The following CAMK1D variants were observed in gnomAD, a reference collection of about 807,000 sequenced individuals.
The protein encoded by CAMK1D is calcium/calmodulin dependent protein kinase ID.
A neutral mutation model predicts 47.7 loss-of-function variants in CAMK1D; 9 were observed. The observed-to-expected ratio is 0.19, with a 90% confidence interval of 0.11 to 0.33. CAMK1D has a LOEUF of 0.33. Ranked by LOEUF, CAMK1D falls within the 10% of genes least tolerant of loss-of-function variation. The probability of loss-of-function intolerance (pLI) is 1.00; values close to 1 mark genes in which losing one functional copy is unlikely to be tolerated. For missense variants in CAMK1D, 291 were observed against 488.7 expected, an observed-to-expected ratio of 0.60 and a Z score of 3.81; for synonymous variants, 184 against 184.9, an observed-to-expected ratio of 0.99 and a Z score of 0.04.
intron 3 of CAMK1D, among the ~76,000 whole-genome samples, chr10:12,739,541 G>A (rs1319958045): frequency 3.3e-5 from 5 of 150,030 alleles, no homozygotes; most frequent in African/African-American, 7.4e-5. Flanking sequence ...CACCCGCCTC[G>A]GCCTCCCAAA....
chr10:12,666,717 C>T lies in CAMK1D; in HGVS notation c.225-19C>T, dbSNP rs780359450. On this transcript the variant is annotated intron_variant, in intron 2 of 10. Transcript: ENST00000619168. ...ATCTAATCATACTCACTATTTTGTG[C>T]GTCTATTTTTTTTTTCAGGATTAAG... is the stretch of plus-strand genomic sequence containing the variant. The T allele has an allele frequency of 4.0e-5, 64 of 1,591,344 alleles. No homozygotes were observed. The highest frequency in any genetic ancestry group is 6.7e-5 in the South Asian group (6 of 89,850).
intron 1 of CAMK1D, among the ~76,000 whole-genome samples, chr10:12,469,647 CT>C (rs1833690757): frequency 6.6e-6 from 1 of 152,152 alleles, no homozygotes; most frequent in South Asian, 2.1e-4. Flanking sequence ...TCATAAAAAG[CT>C]TTTGTAAATG....
chr10:12,555,254 T>C (rs925494235), intron 2 of CAMK1D, among the ~76,000 whole-genome samples: 1 of 152,180 alleles, frequency 6.6e-6, no homozygotes, highest in African/African-American at 2.4e-5. Context: ...CACCCAACGA[T>C]GTTCAGCCAT....
chr10:12,507,379 A>T (rs1245542505), intron 1 of CAMK1D, among the ~76,000 whole-genome samples: 3 of 152,214 alleles, frequency 2.0e-5, no homozygotes, highest in African/African-American at 7.2e-5. Context: ...GGAACTGGCC[A>T]GCAGCAGGGA....
At chr10:12,614,764 T>G (rs1453682539) in intron 2 of CAMK1D, among the ~76,000 whole-genome samples, 1 of 152,234 alleles carries the variant, frequency 6.6e-6, no homozygotes, top group African/African-American at 2.4e-5. Context: ...ACAAGGCTTA[T>G]TCACCATGTG....
At chr10:12,723,845 G>A (rs184010368) in intron 3 of CAMK1D, among the ~76,000 whole-genome samples, 221 of 152,024 alleles carry the variant, frequency 1.5e-3, no homozygotes, top group Non-Finnish European at 2.8e-3. Context: ...GTGCCATGTT[G>A]GTGTGCTGCA....
In CAMK1D at chr10:12,637,132, C is replaced by T. The variant is rs753250801; in HGVS notation, c.225-29604C>T. On this transcript the variant is annotated intron_variant, in intron 2 of 10. Coordinates refer to ENST00000619168, the MANE Select transcript of CAMK1D (RefSeq NM_153498.4). ...GATTATAGATGTGCACCACCATGCCCGGCTAATTGTTGTATTTTTAGTAGA... is the reference window on the plus strand; with the variant it reads ...GATTATAGATGTGCACCACCATGCCTGGCTAATTGTTGTATTTTTAGTAGA... Among the ~76,000 whole-genome samples the T allele has an allele frequency of 3.5e-4, 53 of 152,122 alleles. 1 individual carries two copies. In the Middle Eastern group the frequency reaches 0.01, roughly 29 times the overall value.
chr10:12,803,657 A>AAATAATAAT (rs374759038), intron 6 of CAMK1D, among the ~76,000 whole-genome samples: 5 of 151,876 alleles, frequency 3.3e-5, no homozygotes, highest in African/African-American at 9.7e-5. Context: ...TCCATCTCAA[A>AAATAATAAT]AATAATAATA....
At chr10:12,577,258 G>A (rs1306174282) in intron 2 of CAMK1D, among the ~76,000 whole-genome samples, 5 of 152,140 alleles carry the variant, frequency 3.3e-5, no homozygotes, top group African/African-American at 4.8e-5. Flanking sequence ...GCCGTGTTGG[G>A]TTCCCAGCCC....
chr10:12,416,668 C>A (rs1337354124), intron 1 of CAMK1D, among the ~76,000 whole-genome samples: 1 of 152,162 alleles, frequency 6.6e-6, no homozygotes, highest in Non-Finnish European at 1.5e-5. Context: ...TTGCTGAGCA[C>A]CGGAGGGAGG....
chr10:12,605,242 A>C (rs943958353), intron 2 of CAMK1D, among the ~76,000 whole-genome samples: 1 of 152,042 alleles, frequency 6.6e-6, no homozygotes, highest in Non-Finnish European at 1.5e-5. Context: ...CATGAAGGCC[A>C]TGAGGCTAGG....
chr10:12,686,041 G>C (rs994728114), intron 3 of CAMK1D, among the ~76,000 whole-genome samples: 3 of 152,210 alleles, frequency 2.0e-5, no homozygotes, highest in East Asian at 1.9e-4. Context: ...TAGAATCACA[G>C]TGGCTACAGT....
chr10:12,826,506 TA>T (rs199861520), intron 10 of CAMK1D, among the ~76,000 whole-genome samples: 2,232 of 152,322 alleles, frequency 0.015, 53 homozygotes, highest in African/African-American at 0.05. Context: ...AAGGCACACT[TA>T]CTCTCTCCTT....
At position 12,457,505 on chromosome 10, in the gene CAMK1D, C is replaced by T. The variant is rs374695244; in HGVS notation, c.93-95720C>T. On this transcript the variant is annotated intron_variant, in intron 1 of 10. Transcript: ENST00000619168. ...CTGCTCTTTGTATAAGAAAGCTGGG[C>T]GGCCGGGCGCAGTGGCTCACACCTA... Among the ~76,000 whole-genome samples the T allele has an allele frequency of 4.6e-5, 7 of 151,662 alleles. No individual in the cohort carries two copies. The East Asian group carries it at 7.8e-4, about 17-fold the overall frequency.
At chr10:12,425,673 C>T (rs1315905169) in intron 1 of CAMK1D, among the ~76,000 whole-genome samples, 1 of 152,238 alleles carries the variant, frequency 6.6e-6, no homozygotes, top group South Asian at 2.1e-4. Context: ...TTATCCTGTT[C>T]CTCATCTAGA....
chr10:12,651,346 T>A (rs1839959097), intron 2 of CAMK1D, among the ~76,000 whole-genome samples: 1 of 152,216 alleles, frequency 6.6e-6, no homozygotes, highest in Non-Finnish European at 1.5e-5. Context: ...TCTCCGCCTT[T>A]GGCCCACTGT....
chr10:12,761,100 T>TCAGCAGCATC lies in CAMK1D; in HGVS notation c.438+16_438+25dup. The TCAGCAGCATC allele has an allele frequency of 3.1e-6, 5 of 1,610,398 alleles. No individual in the cohort carries two copies. Among genetic ancestry groups the TCAGCAGCATC allele is most frequent in the African/African-American group, 2.7e-5 (2 of 74,928 alleles). ...AGAGACCTCAAGGTGAGGCCATCGC[T>TCAGCAGCATC]CAGCAGCATCCTGCAGCCACTCTGC... On this transcript the variant is annotated intron_variant, in intron 4 of 10. Transcript: ENST00000619168.
chr10:12,439,876 C>CA (rs1564341186), intron 1 of CAMK1D, among the ~76,000 whole-genome samples: 2 of 152,128 alleles, frequency 1.3e-5, no homozygotes, highest in African/African-American at 4.8e-5. Flanking sequence ...TGGTGGAAGG[C>CA]AAAAGGCACA....
intron 6 of CAMK1D, among the ~76,000 whole-genome samples, chr10:12,812,113 C>T (rs1247039539): frequency 1.3e-5 from 2 of 152,254 alleles, no homozygotes; most frequent in Non-Finnish European, 2.9e-5. Flanking sequence ...GATGTGCGTC[C>T]CACGGGAGGA....
Sources: allele counts gnomAD v4.1 joint callset (sites outside exome capture counted in the v4.1 genomes callset), GRCh38; gene constraint gnomAD v4.1.1; transcripts MANE v1.5; gene names NCBI Gene and HGNC (gene_info 2026-07-23, HGNC 2026-07-21).